Variants in UTP11 observed in about 807,000 individuals in gnomAD.
The protein encoded by UTP11 is UTP11 small subunit processome component, also known as probable U3 small nucleolar RNA-associated protein 11.
In UTP11, 29 loss-of-function variants were observed where a neutral mutation model predicts 39.0. That is an observed-to-expected ratio of 0.74 (90% CI 0.55 to 1.01). The LOEUF is 1.01. Among genes scored for constraint, UTP11 ranks in the 50% least tolerant of loss-of-function variants. The pLI is 0.00. For missense variants in UTP11, 281 were observed against 306.0 expected, an observed-to-expected ratio of 0.92 and a Z score of 0.61; for synonymous variants, 111 against 105.0, an observed-to-expected ratio of 1.06 and a Z score of -0.35.
At chr1:38,022,571 A>T (rs113493575) in intron 6 of UTP11, 128 bp from the exon 7 acceptor site, 1 of 652,796 alleles carries the variant, frequency 1.5e-6, no homozygotes, top group Non-Finnish European at 2.7e-6. Context: ...TTACCACGTT[A>T]TGTTGATTCT....
Position 38,022,826 on chromosome 1 carries a change from T to TTAGG in UTP11, c.678+18_678+21dup. On this transcript the variant is annotated intron_variant, in intron 7 of 7. Coordinates refer to ENST00000373014, the MANE Select transcript of UTP11 (RefSeq NM_016037.4). ...GATCTTATGGTGAGGAGAGAGAGCC[T>TTAGG]TAGGCCTCTTTTTTTTTTTTTCCCC... 1 of 1,533,682 alleles carries TTAGG rather than the reference T, an allele frequency of 6.5e-7. No individual in the cohort carries two copies. Among genetic ancestry groups the TTAGG allele is most frequent in the Non-Finnish European group, 8.8e-7 (1 of 1,130,324 alleles).
At chr1:38,014,299 GAGA>G (rs1287247408) in intron 1 of UTP11, among the ~76,000 whole-genome samples, 4 of 152,020 alleles carry the variant, frequency 2.6e-5, no homozygotes, top group East Asian at 3.9e-4. Context: ...TAGAAGAGGT[GAGA>G]AGAAGACCAT....
At chr1:38,021,545 ATAGG>A (rs1646737626) in intron 6 of UTP11, among the ~76,000 whole-genome samples, 1 of 152,220 alleles carries the variant, frequency 6.6e-6, no homozygotes, top group Admixed American at 6.5e-5. Context: ...TTTTGTGCAG[ATAGG>A]TATATGTGCT....
At position 38,023,723 on chromosome 1, in the gene UTP11, G is replaced by A. The variant is rs967910274; in HGVS notation, c.*95G>A. The A allele has an allele frequency of 1.8e-5, 19 of 1,064,280 alleles. No homozygotes were observed. The highest frequency in any genetic ancestry group is 5.4e-5 in the South Asian group (3 of 55,468). 65.9% of individuals were successfully genotyped at this position (1,064,280 alleles called of 1,614,324 possible). A position where few individuals can be genotyped will look rare whatever the true frequency, so the allele number is the denominator to read the frequency against. On this transcript the variant is annotated 3_prime_UTR_variant, in exon 8 of 8. Coordinates refer to ENST00000373014, the MANE Select transcript of UTP11 (RefSeq NM_016037.4). ...ATTACTCCAAATGGCATGGTTTTCC[G>A]GTTTGTAACCATAACTAAATTGTCA... is the stretch of plus-strand genomic sequence containing the variant.
At chr1:38,018,615 A>G (rs1257860873) in intron 4 of UTP11, 38 bp downstream of exon 4, 2 of 1,479,432 alleles carry the variant, frequency 1.4e-6, no homozygotes, top group Non-Finnish European at 1.9e-6. Flanking sequence ...TTATTGGTTA[A>G]GAAGGGAAAC....
chr1:38,015,692 C>T (rs915661935), intron 1 of UTP11, among the ~76,000 whole-genome samples: 5 of 152,288 alleles, frequency 3.3e-5, no homozygotes, highest in East Asian at 1.9e-4. Context: ...TCCAAGTCTA[C>T]GTCAGAGAAA....
At position 38,012,861 on chromosome 1, in the gene UTP11, G is replaced by A. The variant is rs758125040; in HGVS notation, c.59G>A (p.Ser20Asn). The A allele has an allele frequency of 1.4e-5, 22 of 1,614,108 alleles. No individual in the cohort carries two copies. The highest frequency in any genetic ancestry group is 1.8e-5 in the Non-Finnish European group (21 of 1,180,060). Residue 20 changes from serine (S) to asparagine (N), a missense_variant, in exon 1 of 8, where the codon AGC becomes AAC. Transcript: ENST00000373014. ...CGGCAGCGGGAACACAGAGAGCGAAGCCAGGTAGGACCATACAGGCCCCAC... is the reference window on the plus strand; with the variant it reads ...CGGCAGCGGGAACACAGAGAGCGAAACCAGGTAGGACCATACAGGCCCCAC... Reference protein sequence around the residue: ...KSRQREHRERSQPGFRKHLGL... With the variant: ...KSRQREHRERNQPGFRKHLGL...
rs1282942880 is a variant in UTP11, at chr1:38,012,767, GCGTTCTC to G, written c.-34_-28del. On this transcript the variant is annotated 5_prime_UTR_variant, in exon 1 of 8. Transcript: ENST00000373014. ...TGGCGGCAGAGGCAGTGCGGATCCG[GCGTTCTC>G]CACTGATCTTTTCCAAGGCTGTACA... The G allele has an allele frequency of 6.2e-7, 1 of 1,613,808 alleles. No homozygotes were observed.
At chr1:38,018,626 T>G in intron 4 of UTP11, 49 bp downstream of exon 4, 1 of 1,360,208 alleles carries the variant, frequency 7.4e-7, no homozygotes, top group Non-Finnish European at 1.0e-6. Context: ...GAAGGGAAAC[T>G]TAAATTCATC....
At chr1:38,012,891 G>T in intron 1 of UTP11, 26 bp downstream of exon 1, 1 of 1,614,110 alleles carries the variant, frequency 6.2e-7, no homozygotes, top group African/African-American at 1.3e-5. Context: ...CCCCACAAGT[G>T]CTGGCCTTTG....
intron 7 of UTP11, 77 bp downstream of exon 7, chr1:38,022,886 G>C: frequency 2.0e-6 from 2 of 999,164 alleles, no homozygotes; most frequent in Non-Finnish European, 3.0e-6. Context: ...ACTCAGACTA[G>C]ATTTCAGCTG....
intron 2 of UTP11, 46 bp from the exon 3 acceptor site, chr1:38,017,622 C>CTTTTTTTTTT (rs1217188490): frequency 8.8e-7 from 1 of 1,130,986 alleles, no homozygotes; most frequent in East Asian, 3.4e-5. Flanking sequence ...TTAAAATTAT[C>CTTTTTTTTTT]TATTTTTTTT....
intron 1 of UTP11, among the ~76,000 whole-genome samples, chr1:38,014,386 T>G (rs1213489538): frequency 1.3e-5 from 2 of 152,196 alleles, no homozygotes; most frequent in African/African-American, 4.8e-5. Flanking sequence ...TGCAGATCCT[T>G]CAGTAGGGCA....
At position 38,023,737 on chromosome 1, in the gene UTP11, A is replaced by G; in HGVS notation, c.*109A>G. On this transcript the variant is annotated 3_prime_UTR_variant, in exon 8 of 8. Coordinates refer to ENST00000373014, the MANE Select transcript of UTP11 (RefSeq NM_016037.4). Reference sequence around the variant, plus strand: ...CATGGTTTTCCGGTTTGTAACCATAACTAAATTGTCAGTCTGACATTTAAT... The same window carrying G: ...CATGGTTTTCCGGTTTGTAACCATAGCTAAATTGTCAGTCTGACATTTAAT... 1 of 856,896 alleles carries G rather than the reference A, an allele frequency of 1.2e-6. No homozygotes were observed. The highest frequency in any genetic ancestry group is 1.7e-6 in the Non-Finnish European group (1 of 572,916). 53.1% of individuals were successfully genotyped at this position (856,896 alleles called of 1,614,324 possible). A position where few individuals can be genotyped will look rare whatever the true frequency, so the allele number is the denominator to read the frequency against.
chr1:38,017,850 A>G (rs1646715227), intron 3 of UTP11, 80 bp downstream of exon 3: 8 of 1,276,546 alleles, frequency 6.3e-6, no homozygotes, highest in Non-Finnish European at 8.8e-6. Context: ...GAGAGGAAGA[A>G]TCGTTGGCCT....
intron 1 of UTP11, among the ~76,000 whole-genome samples, chr1:38,014,402 G>A (rs1395713171): frequency 6.6e-6 from 1 of 152,160 alleles, no homozygotes; most frequent in Middle Eastern, 3.2e-3. Flanking sequence ...GGGCAGCAGG[G>A]GAGCTACTGA....
intron 1 of UTP11, among the ~76,000 whole-genome samples, chr1:38,015,101 C>T (rs915105858): frequency 2.6e-5 from 4 of 152,182 alleles, no homozygotes; most frequent in Non-Finnish European, 5.9e-5. Context: ...TGGCCCACTG[C>T]AACCTCCGCC....
intron 1 of UTP11, 129 bp downstream of exon 1, chr1:38,012,994 T>G (rs1646686919): frequency 8.7e-7 from 1 of 1,148,752 alleles, no homozygotes; most frequent in South Asian, 1.4e-5. Flanking sequence ...TGTATGTTAA[T>G]GACGCTGGCG....
chr1:38,023,403 G>A, intron 7 of UTP11, 142 bp from the exon 8 acceptor site: 1 of 615,384 alleles, frequency 1.6e-6, no homozygotes, highest in East Asian at 2.9e-5. Context: ...ATTGCCTACA[G>A]TGGATGCCTT....
Sources: gnomAD v4.1 joint callset for allele counts (sites outside exome capture counted in the v4.1 genomes callset) on GRCh38, gnomAD v4.1.1 for gene constraint, MANE v1.5 for transcripts, NCBI Gene and HGNC (gene_info 2026-07-23, HGNC 2026-07-21) for gene names.